Variants in CEP57L1 observed in about 807,000 individuals in gnomAD.
CEP57L1 encodes centrosomal protein CEP57L1.
A neutral mutation model predicts 61.0 loss-of-function variants in CEP57L1; 37 were observed. That is an observed-to-expected ratio of 0.61 (90% CI 0.47 to 0.80). CEP57L1 has a LOEUF of 0.80. Among genes scored for constraint, CEP57L1 ranks in the 30% least tolerant of loss-of-function variants. The pLI, the probability that CEP57L1 is intolerant of heterozygous loss-of-function variation, is 0.00. For synonymous variants in CEP57L1, 137 were observed against 162.3 expected, an observed-to-expected ratio of 0.84 and a Z score of 1.19; for missense variants, 422 against 524.7, an observed-to-expected ratio of 0.80 and a Z score of 1.91.
rs372100217 is a variant in CEP57L1 at position 109,103,790 on chromosome 6, C to T, written c.-4+8215C>T. Among the ~76,000 whole-genome samples the T allele has an allele frequency of 3.7e-4, 57 of 152,138 alleles. No individual in the cohort carries two copies. The East Asian group carries it at 6.0e-3, about 16-fold the overall frequency. ...TTTGTGAGCGAGCTCTAGCAATATA[C>T]GCAACATACAATATGAATTTTATAA... On this transcript the variant is annotated intron_variant, in intron 1 of 10. Coordinates refer to ENST00000517392, the MANE Select transcript of CEP57L1 (RefSeq NM_001271852.3).
chr6:109,166,381 CT>C lies in CEP57L1; in HGVS notation c.*3427del, dbSNP rs559614206. Among the ~76,000 whole-genome samples the C allele has an allele frequency of 2.1e-3, 284 of 134,460 alleles. No homozygotes were observed. Among genetic ancestry groups the C allele is most frequent in the Admixed American group, 2.7e-3 (36 of 13,312 alleles). The allele number at this position is 134,460 out of a possible 152,430, so 88.2% of individuals were successfully genotyped here. ...GTAATTTTAACTATAAATGTATATT[CT>C]TTTTTTTTTTTTTTTGGTGGGCATG... On this transcript the variant is annotated 3_prime_UTR_variant, in exon 11 of 11. Coordinates refer to ENST00000517392, the MANE Select transcript of CEP57L1 (RefSeq NM_001271852.3).
chr6:109,107,512 A>G lies in CEP57L1; in HGVS notation c.-4+11937A>G, dbSNP rs796384120. On this transcript the variant is annotated intron_variant, in intron 1 of 10. Coordinates refer to ENST00000517392, the MANE Select transcript of CEP57L1 (RefSeq NM_001271852.3). ...ATAATGCAAATTATGGATTCTTTTT[A>G]TTTTTAAAAATCTAGACTTAATGGT... Among the ~76,000 whole-genome samples, 7 of 152,298 alleles carry G rather than the reference A, an allele frequency of 4.6e-5. 1 individual carries two copies. The highest frequency in any genetic ancestry group is 1.7e-4 in the African/African-American group (7 of 41,584).
At chr6:109,154,812 C>T (rs553867232) in intron 5 of CEP57L1, among the ~76,000 whole-genome samples, 1 of 152,156 alleles carries the variant, frequency 6.6e-6, no homozygotes, top group African/African-American at 2.4e-5. Context: ...TCTTTTCACT[C>T]TTCTCCCAAA....
rs529335885 is a variant in CEP57L1 at position 109,166,808 on chromosome 6, G to A, written c.*3838G>A. Among the ~76,000 whole-genome samples, 3 of 152,266 alleles carry A rather than the reference G, an allele frequency of 2.0e-5. No individual in the cohort carries two copies. Among genetic ancestry groups the A allele is most frequent in the Admixed American group, 6.5e-5 (1 of 15,296 alleles). ...ATGCACAATGGAAGGAGTGCATTGTGGACAGAAATGCAACAGCTGCCATTA... is the reference window on the plus strand; with the variant it reads ...ATGCACAATGGAAGGAGTGCATTGTAGACAGAAATGCAACAGCTGCCATTA... On this transcript the variant is annotated 3_prime_UTR_variant, in exon 11 of 11. Transcript: ENST00000517392.
chr6:109,170,489 T>C lies in CEP57L1; in HGVS notation c.*7519T>C, dbSNP rs1774351919. ...TAGAAAAACCTGTTACTGAACCTAG[T>C]ACAGAATGTGAATCATTTCATGCCT... is the stretch of plus-strand genomic sequence containing the variant. On this transcript the variant is annotated 3_prime_UTR_variant, in exon 11 of 11. Transcript: ENST00000517392. Among the ~76,000 whole-genome samples, 1 of 152,138 alleles carries C rather than the reference T, an allele frequency of 6.6e-6. No individual in the cohort carries two copies. Among genetic ancestry groups the C allele is most frequent in the African/African-American group, 2.4e-5 (1 of 41,428 alleles).
chr6:109,150,519 G>A lies in CEP57L1; in HGVS notation c.462+280G>A, dbSNP rs188807136. On this transcript the variant is annotated intron_variant, in intron 4 of 10. Transcript: ENST00000517392. ...TCTACTAAAAATACAAAAATTAGCC[G>A]GGCTTGGTGGCAGGCATCTGTAATC... Among the ~76,000 whole-genome samples, 6 of 152,072 alleles carry A rather than the reference G, an allele frequency of 3.9e-5. No homozygotes were observed. In the East Asian group the frequency reaches 5.8e-4, roughly 15 times the overall value.
In CEP57L1 at chr6:109,159,396, T is replaced by A; in HGVS notation, c.950T>A (p.Ile317Asn). ...ATTCCTCCTGACTCAGAAAAGTCCA[T>A]TTCCATTTGTGACAATTTATCTGAA... Reference protein sequence around the residue: ...KAIPPDSEKSISICDNLSELL... With the variant: ...KAIPPDSEKSNSICDNLSELL... The change falls in exon 9 of 11, where the codon ATT (isoleucine) becomes AAT (asparagine). Residue 317 changes from isoleucine to asparagine, a missense_variant. Ile to Asn is a moderately radical substitution (Grantham distance 149, BLOSUM62 -3). Coordinates refer to ENST00000517392, the MANE Select transcript of CEP57L1 (RefSeq NM_001271852.3). 6.2e-7 allele frequency: 1 copy of A among 1,613,994 alleles called. No individual in the cohort carries two copies. Among genetic ancestry groups the A allele is most frequent in the Non-Finnish European group, 8.5e-7 (1 of 1,179,894 alleles).
At position 109,145,384 on chromosome 6, in the gene CEP57L1, A is replaced by T. The variant is rs1467985363; in HGVS notation, c.160+3A>T. ...ACTTCATAGCCCAAATAGCCAAGGT[A>T]ATGCTGATATAAAATTTGAAGAATG... On this transcript the variant is annotated splice_donor_region_variant and intron_variant, in intron 2 of 10. Coordinates refer to ENST00000517392, the MANE Select transcript of CEP57L1 (RefSeq NM_001271852.3). 2.6e-6 allele frequency: 4 copies of T among 1,558,724 alleles called. No individual in the cohort carries two copies. In the African/African-American group the frequency reaches 4.1e-5, roughly 16 times the overall value.
chr6:109,120,894 TC>T (rs1772871828), intron 1 of CEP57L1, among the ~76,000 whole-genome samples: 3 of 147,708 alleles, frequency 2.0e-5, no homozygotes, highest in Admixed American at 1.4e-4. Context: ...CTTAGAAAAT[TC>T]CTATACTTAG....
intron 7 of CEP57L1, chr6:109,157,830 A>G (rs1489095082): frequency 6.6e-6 from 1 of 152,190 alleles, no homozygotes; most frequent in Non-Finnish European, 1.5e-5. Flanking sequence ...CAGCAGTAGG[A>G]GAGTTTTACA....
rs1298260523 is a variant in CEP57L1 at position 109,174,099 on chromosome 6, C to CAAAAAAAAAAA, written c.*11134_*11144dup. ...TGAGCCATAGAGTGAGTCTTGGTCT[C>CAAAAAAAAAAA]AAAAAAAAAAAAAAACCTTGTGTTG... On this transcript the variant is annotated 3_prime_UTR_variant, in exon 11 of 11. Transcript: ENST00000517392. Among the ~76,000 whole-genome samples the CAAAAAAAAAAA allele has an allele frequency of 2.4e-4, 20 of 81,894 alleles. No individual in the cohort carries two copies. Among genetic ancestry groups the CAAAAAAAAAAA allele is most frequent in the African/African-American group, 5.3e-4 (11 of 20,872 alleles). 53.7% of individuals were successfully genotyped at this position (81,894 alleles called of 152,430 possible).
At chr6:109,121,585 C>CT (rs1417249591) in intron 1 of CEP57L1, among the ~76,000 whole-genome samples, 1 of 152,154 alleles carries the variant, frequency 6.6e-6, no homozygotes. Context: ...AAATCATCAT[C>CT]TTTGGCAGGA....
At chr6:109,113,051 G>A (rs1191157130) in intron 1 of CEP57L1, among the ~76,000 whole-genome samples, 1 of 152,074 alleles carries the variant, frequency 6.6e-6, no homozygotes, top group Non-Finnish European at 1.5e-5. Flanking sequence ...CTGAGTTCAA[G>A]TCCTGAATAT....
chr6:109,170,690 G>T lies in CEP57L1; in HGVS notation c.*7720G>T, dbSNP rs76286630. Among the ~76,000 whole-genome samples the T allele has an allele frequency of 0.016, 2,435 of 152,284 alleles. 78 individuals are homozygous for T. The highest frequency in any genetic ancestry group is 0.056 in the African/African-American group (2,322 of 41,556). ...TTAAATTTTAAAAAGCTCTCGAGAA[G>T]TCTGTGGAACATTTATGGTTTTATA... On this transcript the variant is annotated 3_prime_UTR_variant, in exon 11 of 11. Transcript: ENST00000517392.
intron 4 of CEP57L1, among the ~76,000 whole-genome samples, chr6:109,153,590 GA>G (rs893116529): frequency 1.3e-4 from 19 of 144,644 alleles, no homozygotes; most frequent in East Asian, 8.0e-4. Flanking sequence ...TTGATTTTCA[GA>G]AAAAAAAAAT....
At chr6:109,145,443 A>G (rs1191105041) in intron 2 of CEP57L1, 62 bp downstream of exon 2, 2 of 1,123,860 alleles carry the variant, frequency 1.8e-6, no homozygotes, top group Admixed American at 2.4e-5. Context: ...TTTCATATTT[A>G]TGTGGAATAC....
At chr6:109,146,056 GAATA>G (rs1771929246) in intron 2 of CEP57L1, among the ~76,000 whole-genome samples, 1 of 151,704 alleles carries the variant, frequency 6.6e-6, no homozygotes. Context: ...ATGTAAAGAG[GAATA>G]AATATAATTT....
intron 1 of CEP57L1, among the ~76,000 whole-genome samples, chr6:109,106,460 C>CTTTTT (rs1770944208): frequency 6.6e-6 from 1 of 152,048 alleles, no homozygotes. Context: ...AGATGTGGAC[C>CTTTTT]TTTTTCTTGA....
chr6:109,144,175 C>T (rs1771718040), intron 1 of CEP57L1, among the ~76,000 whole-genome samples: 1 of 152,172 alleles, frequency 6.6e-6, no homozygotes, highest in African/African-American at 2.4e-5. Flanking sequence ...GATTGCCAAT[C>T]ATGGCAATGG....
Sources: gnomAD v4.1 joint callset for allele counts (sites outside exome capture counted in the v4.1 genomes callset) on GRCh38, gnomAD v4.1.1 for gene constraint, MANE v1.5 for transcripts, NCBI Gene and HGNC (gene_info 2026-07-23, HGNC 2026-07-21) for gene names.